The following THAP4 variants were observed in gnomAD, a reference collection of about 807,000 sequenced individuals.
The protein encoded by THAP4 is peroxynitrite isomerase THAP4.
Under a neutral mutation model 48.1 loss-of-function variants are expected in THAP4, and 18 were observed. The ratio of observed to expected loss-of-function variants is 0.37; its 90% CI spans 0.26 to 0.56. THAP4 has a LOEUF of 0.56. Ranked by LOEUF, THAP4 falls within the 20% of genes least tolerant of loss-of-function variation. The probability of loss-of-function intolerance (pLI) is 0.78; values close to 1 mark genes in which losing one functional copy is unlikely to be tolerated. For synonymous variants in THAP4, 345 were observed against 324.9 expected (o/e 1.06, Z -0.66); for missense variants, 656 against 774.9 (o/e 0.85, Z 1.82).
chr2:241,633,716 A>T lies in THAP4; in HGVS notation c.441T>A (p.Ala147=). ...AKPESRRLKQ[A]ALQGEATPRA... ...TGGGTGTGGCTTCACCTTGCAGAGC[A>T]GCTTGCTTCAACCTGCGGGACTCTG... is the stretch of plus-strand genomic sequence containing the variant. The change falls in exon 2 of 6, where the codon GCT becomes GCA. Residue 147 remains alanine, a synonymous_variant. Coordinates refer to ENST00000407315, the MANE Select transcript of THAP4 (RefSeq NM_015963.6). This position sits in a 1 kb window ranked among gnomAD's most constrained non-coding sequence, Gnocchi z 7.5. 6.2e-7 allele frequency: 1 copy of T among 1,611,854 alleles called. No homozygotes were observed. Among genetic ancestry groups the T allele is most frequent in the Non-Finnish European group, 8.5e-7 (1 of 1,179,106 alleles).
chr2:241,597,948 CTAGT>C (rs976600434), intron 5 of THAP4, among the ~76,000 whole-genome samples: 18 of 150,170 alleles, frequency 1.2e-4, no homozygotes, highest in African/African-American at 3.9e-4. Context: ...AAACCCAAAT[CTAGT>C]TATTTAGCAA....
chr2:241,596,952 A>G (rs1482893599), intron 5 of THAP4, among the ~76,000 whole-genome samples: 1 of 152,224 alleles, frequency 6.6e-6, no homozygotes, highest in Non-Finnish European at 1.5e-5. Context: ...ACTACCATAG[A>G]CTTTATAAAT....
chr2:241,623,307 T>G (rs1265887926), intron 2 of THAP4, among the ~76,000 whole-genome samples: 1 of 148,986 alleles, frequency 6.7e-6, no homozygotes, highest in Non-Finnish European at 1.5e-5. Context: ...TAGGCCAGCA[T>G]GGTGGCTCAC....
chr2:241,607,045 C>T (rs746428829), intron 2 of THAP4, among the ~76,000 whole-genome samples: 17 of 151,980 alleles, frequency 1.1e-4, no homozygotes, highest in Non-Finnish European at 2.2e-4. Context: ...CAGGGGCAGG[C>T]GGGGTTTAAA....
At chr2:241,626,227 G>A (rs1474535211) in intron 2 of THAP4, among the ~76,000 whole-genome samples, 1 of 152,010 alleles carries the variant, frequency 6.6e-6, no homozygotes, top group African/African-American at 2.4e-5. Context: ...CAGATCATGA[G>A]GTCAGGAGAT....
At chr2:241,626,001 G>A (rs1182739535) in intron 2 of THAP4, among the ~76,000 whole-genome samples, 1 of 151,998 alleles carries the variant, frequency 6.6e-6, no homozygotes, top group Non-Finnish European at 1.5e-5. Context: ...AACGTAACCC[G>A]TCACATCAAC....
At chr2:241,588,701 T>G (rs556578254) in intron 5 of THAP4, among the ~76,000 whole-genome samples, 106 of 152,294 alleles carry the variant, frequency 7.0e-4, no homozygotes, top group African/African-American at 2.3e-3. Flanking sequence ...CAACAAATGG[T>G]GCTGGAAACG....
intron 5 of THAP4, among the ~76,000 whole-genome samples, chr2:241,596,377 T>C (rs568324757): frequency 6.7e-6 from 1 of 148,536 alleles, no homozygotes; most frequent in Non-Finnish European, 1.5e-5. Context: ...CATGGTGGCA[T>C]AAGCCTGTAA....
intron 2 of THAP4, among the ~76,000 whole-genome samples, chr2:241,625,166 A>G (rs1371600006): frequency 6.6e-6 from 1 of 152,074 alleles, no homozygotes; most frequent in Non-Finnish European, 1.5e-5. Flanking sequence ...CCTAATACCA[A>G]AACACGCACA....
At chr2:241,595,874 G>C (rs939651671) in intron 5 of THAP4, among the ~76,000 whole-genome samples, 11 of 152,186 alleles carry the variant, frequency 7.2e-5, no homozygotes, top group African/African-American at 2.7e-4. Flanking sequence ...ACCAGCCCCG[G>C]AACGACCCTG....
At chr2:241,615,726 C>G (rs946284545) in intron 2 of THAP4, among the ~76,000 whole-genome samples, 1 of 152,252 alleles carries the variant, frequency 6.6e-6, no homozygotes, top group Admixed American at 6.5e-5. Flanking sequence ...CCACACACAG[C>G]GCCCTGCCCG....
At chr2:241,594,603 A>ACAG in intron 5 of THAP4, 1 of 358,994 alleles carries the variant, frequency 2.8e-6, no homozygotes, top group Non-Finnish European at 5.5e-6. Context: ...AACAACAACA[A>ACAG]CAACAAAAAC....
intron 2 of THAP4, among the ~76,000 whole-genome samples, chr2:241,631,387 T>C (rs1237605988): frequency 6.6e-6 from 1 of 152,150 alleles, no homozygotes; most frequent in East Asian, 1.9e-4. Context: ...TGTAAACATC[T>C]AGAAACCAAT....
chr2:241,604,499 C>T (rs1395311731), intron 3 of THAP4, among the ~76,000 whole-genome samples: 1 of 152,110 alleles, frequency 6.6e-6, no homozygotes, highest in East Asian at 1.9e-4. Flanking sequence ...GATCTGCCCA[C>T]CTCAGCCTCT....
intron 4 of THAP4, among the ~76,000 whole-genome samples, chr2:241,602,645 C>T (rs2067129349): frequency 6.6e-6 from 1 of 152,148 alleles, no homozygotes; most frequent in Non-Finnish European, 1.5e-5. Flanking sequence ...GGATTACAGG[C>T]GTGAGCCACT....
chr2:241,600,466 G>A (rs1310105582), intron 5 of THAP4, among the ~76,000 whole-genome samples: 6 of 152,114 alleles, frequency 3.9e-5, no homozygotes, highest in African/African-American at 1.4e-4. Flanking sequence ...GGTGGCTCAC[G>A]CCTGTAATCC....
upstream of THAP4, chr2:241,637,381 C>CG (rs1559240560): frequency 2.1e-6 from 3 of 1,402,364 alleles, no homozygotes; most frequent in East Asian, 1.1e-4. Flanking sequence ...GCTGCTCGGA[C>CG]GGGGACAGAG....
rs966930634 is a variant in THAP4 at position 241,584,439 on chromosome 2, C to T, written c.*167G>A. On this transcript the variant is annotated 3_prime_UTR_variant, in exon 6 of 6. Coordinates refer to ENST00000407315, the MANE Select transcript of THAP4 (RefSeq NM_015963.6). ...AAATCCTCAGCCATAAAAATAAAGG[C>T]CTTTTATTTGGTTTTTCTATGCCAG... 1 of 653,128 alleles carries T rather than the reference C, an allele frequency of 1.5e-6. No individual in the cohort carries two copies. Among genetic ancestry groups the T allele is most frequent in the Non-Finnish European group, 2.6e-6 (1 of 378,734 alleles). The allele number at this position is 653,128 out of a possible 1,614,324, so 40.5% of individuals were successfully genotyped here. A position where few individuals can be genotyped will look rare whatever the true frequency, so the allele number is the denominator to read the frequency against.
chr2:241,601,808 G>C lies in THAP4; in HGVS notation c.1614+88C>G. On this transcript the variant is annotated intron_variant, in intron 5 of 5. Coordinates refer to ENST00000407315, the MANE Select transcript of THAP4 (RefSeq NM_015963.6). The surrounding 1 kb of genome is among the most constrained non-coding windows in gnomAD (Gnocchi z 4.0). ...CCTGTGAGACACAGTGGCAAGACAC[G>C]CACTACCTCACGGAAGAGGAAGAGG... 1 of 1,573,932 alleles carries C rather than the reference G, an allele frequency of 6.4e-7. No individual in the cohort carries two copies. The highest frequency in any genetic ancestry group is 8.6e-7 in the Non-Finnish European group (1 of 1,158,716).
Sources: gnomAD v4.1 joint callset for allele counts (sites outside exome capture counted in the v4.1 genomes callset) on GRCh38, gnomAD v4.1.1 for gene constraint, Gnocchi (gnomAD v3.1) non-coding constraint, MANE v1.5 for transcripts, NCBI Gene and HGNC (gene_info 2026-07-23, HGNC 2026-07-21) for gene names.